Variants in EXOC4 observed in about 807,000 individuals in gnomAD.
EXOC4 encodes SEC8-like 1.
In EXOC4, 71 loss-of-function variants were observed where a neutral mutation model predicts 107.2. That is an observed-to-expected ratio of 0.66 (90% CI 0.55 to 0.81). The LOEUF (loss-of-function observed/expected upper bound fraction) is 0.81. Ranked by LOEUF, EXOC4 falls within the 30% of genes least tolerant of loss-of-function variation. EXOC4 has a pLI of 0.00. For missense variants in EXOC4, 1,108 were observed against 1,189.6 expected (o/e 0.93, Z 1.01); for synonymous variants, 456 against 441.2 (o/e 1.03, Z -0.42).
At chr7:133,416,641 A>G (rs1797480699) in intron 7 of EXOC4, among the ~76,000 whole-genome samples, 1 of 152,108 alleles carries the variant, frequency 6.6e-6, no homozygotes, top group South Asian at 2.1e-4. Context: ...ACACTACCTC[A>G]CTCATGATCG....
At chr7:133,804,544 A>C (rs1031836636) in intron 10 of EXOC4, among the ~76,000 whole-genome samples, 3 of 152,154 alleles carry the variant, frequency 2.0e-5, no homozygotes, top group African/African-American at 7.2e-5. Context: ...ATTAAATGTA[A>C]TGAAATCCAT....
At chr7:133,793,275 T>C (rs1004797061) in intron 10 of EXOC4, among the ~76,000 whole-genome samples, 3 of 152,098 alleles carry the variant, frequency 2.0e-5, no homozygotes, top group African/African-American at 7.2e-5. Flanking sequence ...ATCTTGACTA[T>C]ATTAATACGA....
At chr7:133,588,061 A>G (rs1000620206) in intron 9 of EXOC4, among the ~76,000 whole-genome samples, 4 of 152,150 alleles carry the variant, frequency 2.6e-5, no homozygotes, top group Admixed American at 6.5e-5. Flanking sequence ...TGTTAGACAT[A>G]CTTCTTTGTA....
At chr7:133,292,993 G>A (rs1027595875) in intron 3 of EXOC4, among the ~76,000 whole-genome samples, 6 of 151,904 alleles carry the variant, frequency 3.9e-5, no homozygotes, top group Non-Finnish European at 7.4e-5. Flanking sequence ...TTCCCTTTTC[G>A]TAGTAATTAA....
intron 15 of EXOC4, among the ~76,000 whole-genome samples, chr7:134,003,189 C>A (rs1258594219): frequency 1.3e-5 from 2 of 152,060 alleles, no homozygotes; most frequent in African/African-American, 4.8e-5. Context: ...AGTGAAAAAG[C>A]CAAACTCAAA....
At chr7:133,873,919 T>G (rs1363856312) in intron 11 of EXOC4, among the ~76,000 whole-genome samples, 2 of 152,252 alleles carry the variant, frequency 1.3e-5, no homozygotes, top group African/African-American at 4.8e-5. Flanking sequence ...GTGGTACTGT[T>G]ACTGTTCCTT....
intron 14 of EXOC4, among the ~76,000 whole-genome samples, chr7:133,962,298 C>G (rs980323393): frequency 6.6e-6 from 1 of 152,184 alleles, no homozygotes; most frequent in African/African-American, 2.4e-5. Flanking sequence ...TTTGCTCTCT[C>G]CTTCTTGTTA....
chr7:133,715,493 T>C (rs894436332), intron 10 of EXOC4, among the ~76,000 whole-genome samples: 2 of 152,042 alleles, frequency 1.3e-5, no homozygotes, highest in African/African-American at 4.8e-5. Context: ...TTTTTTTTTT[T>C]GGAAGGGGGA....
At chr7:133,952,063 G>A (rs1052932890) in intron 14 of EXOC4, among the ~76,000 whole-genome samples, 3 of 152,130 alleles carry the variant, frequency 2.0e-5, no homozygotes, top group Middle Eastern at 3.2e-3. Flanking sequence ...GGCTGAGGCA[G>A]GAGAATTGCT....
chr7:133,694,134 G>T (rs1479881297), intron 10 of EXOC4, among the ~76,000 whole-genome samples: 1 of 151,914 alleles, frequency 6.6e-6, no homozygotes, highest in Non-Finnish European at 1.5e-5. Context: ...CGTTGTGTGT[G>T]CCCGTAGTCC....
chr7:133,896,846 G>GTTTTTTTTTTTTTTTTTT (rs1585231519), intron 12 of EXOC4, among the ~76,000 whole-genome samples: 2 of 43,242 alleles, frequency 4.6e-5, no homozygotes, highest in Non-Finnish European at 8.2e-5. Context: ...TGTATTTTTA[G>GTTTTTTTTTTTTTTTTTT]TAGAGATGGG....
chr7:133,770,966 T>C (rs1279015002), intron 10 of EXOC4, among the ~76,000 whole-genome samples: 2 of 151,942 alleles, frequency 1.3e-5, no homozygotes, highest in Non-Finnish European at 2.9e-5. Flanking sequence ...GCAGAAGGGA[T>C]TGTGGCCATA....
rs1012158406 is a variant in EXOC4, at chr7:133,642,973, T to C, written c.1514+12832T>C. 2.6e-5 allele frequency among the ~76,000 whole-genome samples: 4 copies of C among 152,342 alleles called. No homozygotes were observed. In the East Asian group the frequency reaches 7.7e-4, roughly 29 times the overall value. ...CATGTATCCCCTTTTCTTCCAACTT[T>C]TTCCTGTGCCTGCTCTTACTCACCC... On this transcript the variant is annotated intron_variant, in intron 10 of 17. Transcript: ENST00000253861.
chr7:133,895,546 C>A, intron 11 of EXOC4, 53 bp from the exon 12 acceptor site: 1 of 1,577,782 alleles, frequency 6.3e-7, no homozygotes. Context: ...CCTTCCTTGT[C>A]CAACACATTG....
At chr7:133,945,020 C>T (rs1223696652) in intron 14 of EXOC4, among the ~76,000 whole-genome samples, 2 of 152,118 alleles carry the variant, frequency 1.3e-5, no homozygotes, top group African/African-American at 2.4e-5. Flanking sequence ...AAGTGGAACT[C>T]GCTTCCTGAG....
At chr7:133,937,024 A>G (rs1300619831) in intron 13 of EXOC4, among the ~76,000 whole-genome samples, 2 of 152,224 alleles carry the variant, frequency 1.3e-5, no homozygotes, top group Non-Finnish European at 2.9e-5. Flanking sequence ...TGTGGAAATT[A>G]GGAAGCCTGA....
At chr7:133,638,317 T>A (rs1032950328) in intron 10 of EXOC4, among the ~76,000 whole-genome samples, 1 of 152,202 alleles carries the variant, frequency 6.6e-6, no homozygotes, top group Admixed American at 6.5e-5. Flanking sequence ...TATGATGCAG[T>A]TAACTGGTTG....
chr7:133,791,420 G>A (rs1016004906), intron 10 of EXOC4, among the ~76,000 whole-genome samples: 3 of 152,140 alleles, frequency 2.0e-5, no homozygotes, highest in Admixed American at 6.5e-5. Context: ...TGTCCATAGC[G>A]CTCATGAATA....
At chr7:133,293,090 T>C (rs1419187503) in intron 3 of EXOC4, among the ~76,000 whole-genome samples, 3 of 152,226 alleles carry the variant, frequency 2.0e-5, no homozygotes, top group African/African-American at 4.8e-5. Flanking sequence ...TTTGTTAGCT[T>C]ATTTCTTTCA....
Sources: gnomAD v4.1 joint callset for allele counts (sites outside exome capture counted in the v4.1 genomes callset) on GRCh38, gnomAD v4.1.1 for gene constraint, MANE v1.5 for transcripts, NCBI Gene and HGNC (gene_info 2026-07-23, HGNC 2026-07-21) for gene names.